DCLK1: variants seen among roughly 807,000 people sequenced by gnomAD.
The protein encoded by DCLK1 is doublecortin like kinase 1, also known as serine/threonine-protein kinase DCLK1.
DCLK1 carries 16 observed loss-of-function variants against 86.2 expected under a neutral mutation model. That is an observed-to-expected ratio of 0.19 (90% CI 0.13 to 0.28). DCLK1 has a LOEUF of 0.28. Ranked by LOEUF, DCLK1 falls within the 10% of genes least tolerant of loss-of-function variation. DCLK1 has a pLI of 1.00. For missense variants in DCLK1, 590 were observed against 940.2 expected (o/e 0.63, Z 4.87); for synonymous variants, 369 against 370.5 (o/e 1.00, Z 0.05).
intron 6 of DCLK1, among the ~76,000 whole-genome samples, chr13:35,854,230 C>T (rs1272298115): frequency 6.6e-6 from 1 of 152,290 alleles, no homozygotes; most frequent in South Asian, 2.1e-4. Flanking sequence ...GCTAATAAAG[C>T]CTGTGCATTC....
chr13:36,025,975 G>C (rs746801049), intron 3 of DCLK1, among the ~76,000 whole-genome samples: 3 of 151,830 alleles, frequency 2.0e-5, no homozygotes, highest in Non-Finnish European at 2.9e-5. Context: ...TGGGGGGAGA[G>C]GAAAGACATG....
intron 4 of DCLK1, among the ~76,000 whole-genome samples, chr13:35,915,779 A>G (rs983935241): frequency 6.6e-6 from 1 of 152,190 alleles, no homozygotes; most frequent in Non-Finnish European, 1.5e-5. Context: ...GCTAAGAGCT[A>G]TGCAAAGGTA....
At chr13:35,776,124 A>G (rs2153097059) in intron 16 of DCLK1, among the ~76,000 whole-genome samples, 1 of 152,300 alleles carries the variant, frequency 6.6e-6, no homozygotes, top group East Asian at 1.9e-4. Context: ...TCTACCTTTG[A>G]TTCTTGTTGA....
At chr13:35,990,786 C>A (rs1407544433) in intron 3 of DCLK1, among the ~76,000 whole-genome samples, 1 of 120,994 alleles carries the variant, frequency 8.3e-6, no homozygotes, top group East Asian at 2.0e-4. Context: ...TTTTAAACAG[C>A]CAACGTGGGG....
chr13:35,983,653 T>C (rs887379513), intron 3 of DCLK1, among the ~76,000 whole-genome samples: 4 of 152,238 alleles, frequency 2.6e-5, no homozygotes, highest in Non-Finnish European at 5.9e-5. Context: ...CTTAAGGGAA[T>C]GGATACCCCA....
chr13:35,776,630 C>A (rs1036594383), intron 16 of DCLK1, among the ~76,000 whole-genome samples: 1 of 152,178 alleles, frequency 6.6e-6, no homozygotes, highest in Admixed American at 6.5e-5. Context: ...AATGGATGTG[C>A]AAATGCTTTC....
chr13:36,067,757 G>A (rs1368058996), intron 3 of DCLK1, among the ~76,000 whole-genome samples: 2 of 151,952 alleles, frequency 1.3e-5, no homozygotes, highest in Non-Finnish European at 2.9e-5. Context: ...CTTTCCACTA[G>A]GTTTCCAATC....
chr13:36,071,897 C>T lies in DCLK1; in HGVS notation c.723+39972G>A, dbSNP rs548188387. ...CGAATTTTGTTGTAAAAGCTGAGAG[C>T]TTGCAAATCAAAACTGGAAAAATAT... On this transcript the variant is annotated intron_variant, in intron 3 of 16. Coordinates refer to ENST00000360631, the MANE Select transcript of DCLK1 (RefSeq NM_001330071.2). Among the ~76,000 whole-genome samples the T allele has an allele frequency of 1.9e-4, 29 of 152,252 alleles. No homozygotes were observed. The South Asian group carries it at 5.8e-3, about 31-fold the overall frequency.
chr13:35,882,805 C>A (rs9545604), intron 4 of DCLK1, among the ~76,000 whole-genome samples: 1 of 151,970 alleles, frequency 6.6e-6, no homozygotes, highest in Non-Finnish European at 1.5e-5. Context: ...TTTTACGTGC[C>A]GGGATACTGT....
intron 3 of DCLK1, among the ~76,000 whole-genome samples, chr13:36,077,808 T>C (rs954713423): frequency 6.6e-6 from 1 of 152,168 alleles, no homozygotes; most frequent in Non-Finnish European, 1.5e-5. Context: ...TTATTTTCCA[T>C]GAATTCAGAA....
In DCLK1 at chr13:35,777,456, G is replaced by A. The variant is rs980880228; in HGVS notation, c.2059-2757C>T. On this transcript the variant is annotated intron_variant, in intron 16 of 16. Coordinates refer to ENST00000360631, the MANE Select transcript of DCLK1 (RefSeq NM_001330071.2). ...CTTCCCATTTACTCTGAAGTTTATT[G>A]AAATGATAAATTAAAGTCACTGCAC... is the stretch of plus-strand genomic sequence containing the variant. Among the ~76,000 whole-genome samples, 7 of 152,136 alleles carry A rather than the reference G, an allele frequency of 4.6e-5. No homozygotes were observed. In the East Asian group the frequency reaches 1.2e-3, roughly 25 times the overall value.
At chr13:35,909,975 C>T (rs761124783) in intron 4 of DCLK1, among the ~76,000 whole-genome samples, 4 of 152,168 alleles carry the variant, frequency 2.6e-5, no homozygotes, top group Non-Finnish European at 5.9e-5. Context: ...CCCTGCCTCA[C>T]CTGTCATTTT....
Position 35,889,423 on chromosome 13 carries a change from C to G in DCLK1, c.824-18083G>C, listed in dbSNP as rs1873497774. On this transcript the variant is annotated intron_variant, in intron 4 of 16. Coordinates refer to ENST00000360631, the MANE Select transcript of DCLK1 (RefSeq NM_001330071.2). ...CCTAAATTAGGAGTTAGGGGCTCTC[C>G]CTGCTGTGTCACACAGCAGTCTTCT... Among the ~76,000 whole-genome samples, 3 of 152,146 alleles carry G rather than the reference C, an allele frequency of 2.0e-5. No individual in the cohort carries two copies. The South Asian group carries it at 6.2e-4, about 32-fold the overall frequency.
rs140473911 is a variant in DCLK1, at chr13:36,075,098, G to A, written c.723+36771C>T. Among the ~76,000 whole-genome samples, 38 of 152,320 alleles carry A rather than the reference G, an allele frequency of 2.5e-4. No homozygotes were observed. The East Asian group carries it at 7.3e-3, about 29-fold the overall frequency. ...TCCCTGACCTCCACATCTTTCTGTAGCAGGATGGCAAATACATTTTTAGGA... is the reference window on the plus strand; with the variant it reads ...TCCCTGACCTCCACATCTTTCTGTAACAGGATGGCAAATACATTTTTAGGA... On this transcript the variant is annotated intron_variant, in intron 3 of 16. Transcript: ENST00000360631.
intron 1 of DCLK1, among the ~76,000 whole-genome samples, chr13:36,128,674 T>C (rs1886268606): frequency 1.3e-5 from 2 of 152,188 alleles, no homozygotes; most frequent in Non-Finnish European, 2.9e-5. Context: ...TCAGTGTACT[T>C]TTTTCCCTCC....
At chr13:35,888,543 G>T (rs201071302) in intron 4 of DCLK1, among the ~76,000 whole-genome samples, 6 of 151,972 alleles carry the variant, frequency 3.9e-5, no homozygotes, top group African/African-American at 1.4e-4. Context: ...AAGTCCCTGG[G>T]TACAGCATTT....
intron 3 of DCLK1, among the ~76,000 whole-genome samples, chr13:36,068,122 A>T (rs17053405): frequency 0.13 from 19,552 of 152,238 alleles, 1,645 homozygotes; most frequent in South Asian, 0.36. Context: ...CCAGCATTTT[A>T]TATTGTGATT....
At chr13:35,904,962 G>A (rs996506182) in intron 4 of DCLK1, among the ~76,000 whole-genome samples, 1 of 152,108 alleles carries the variant, frequency 6.6e-6, no homozygotes, top group Non-Finnish European at 1.5e-5. Context: ...AACTATCTGT[G>A]CACTTAATTG....
chr13:35,926,679 A>T (rs1462544194), intron 4 of DCLK1, among the ~76,000 whole-genome samples: 2 of 152,258 alleles, frequency 1.3e-5, no homozygotes, highest in Non-Finnish European at 2.9e-5. Flanking sequence ...ATCACCAAGT[A>T]GTAATATTTG....
Sources: gnomAD v4.1 joint callset for allele counts (sites outside exome capture counted in the v4.1 genomes callset) on GRCh38, gnomAD v4.1.1 for gene constraint, MANE v1.5 for transcripts, NCBI Gene and HGNC (gene_info 2026-07-23, HGNC 2026-07-21) for gene names.